Variants in PHTF2 observed in about 807,000 individuals in gnomAD.
PHTF2 encodes putative homeodomain transcription factor 2.
In PHTF2, 60 loss-of-function variants were observed where a neutral mutation model predicts 101.2. The ratio of observed to expected loss-of-function variants is 0.59; its 90% CI spans 0.48 to 0.73. The LOEUF (loss-of-function observed/expected upper bound fraction) is 0.73. PHTF2 is among the 30% of genes least tolerant of loss of function. The pLI is 0.00. For missense variants in PHTF2, 747 were observed against 908.7 expected (o/e 0.82, Z 2.29); for synonymous variants, 311 against 307.3 (o/e 1.01, Z -0.13).
chr7:77,897,198 CTG>C (rs747659832), intron 5 of PHTF2, among the ~76,000 whole-genome samples: 1 of 151,406 alleles, frequency 6.6e-6, no homozygotes, highest in African/African-American at 2.4e-5. Context: ...GAAAATGAAA[CTG>C]TTTATGTACT....
exon 1 of PHTF2, chr7:77,798,950 C>G (rs920771867): frequency 6.5e-6 from 1 of 152,704 alleles, no homozygotes; most frequent in African/African-American, 2.4e-5. Flanking sequence ...CGCCTCCTAG[C>G]GGCGCGGCGC....
intron 1 of PHTF2, among the ~76,000 whole-genome samples, chr7:77,813,748 T>G (rs1793627850): frequency 6.6e-6 from 1 of 152,192 alleles, no homozygotes; most frequent in African/African-American, 2.4e-5. Context: ...GATGTGGAGT[T>G]GAATAGACTA....
intron 7 of PHTF2, chr7:77,906,586 GAA>G (rs1436082449): frequency 3.9e-5 from 6 of 152,264 alleles, no homozygotes; most frequent in African/African-American, 1.4e-4. Flanking sequence ...TCACAGGGCT[GAA>G]AGAGTTCAGA....
At chr7:77,830,195 A>G (rs1260411234) in intron 1 of PHTF2, among the ~76,000 whole-genome samples, 2 of 152,234 alleles carry the variant, frequency 1.3e-5, no homozygotes, top group Admixed American at 6.5e-5. Flanking sequence ...AAAACAATAT[A>G]GTAAGTACAC....
intron 2 of PHTF2, among the ~76,000 whole-genome samples, chr7:77,840,894 A>C (rs962794161): frequency 2.0e-5 from 3 of 151,944 alleles, no homozygotes; most frequent in African/African-American, 7.2e-5. Flanking sequence ...GCTCCTAATG[A>C]GTGTTGTTTA....
chr7:77,888,017 G>A (rs1181221018), intron 3 of PHTF2, among the ~76,000 whole-genome samples: 1 of 152,152 alleles, frequency 6.6e-6, no homozygotes, highest in African/African-American at 2.4e-5. Flanking sequence ...AATATGGTTG[G>A]ATATCTATAC....
chr7:77,833,440 A>G (rs1275239390), intron 1 of PHTF2, among the ~76,000 whole-genome samples: 2 of 152,128 alleles, frequency 1.3e-5, no homozygotes, highest in African/African-American at 4.8e-5. Flanking sequence ...GTCTGAGGAG[A>G]TTTATAAAAA....
At chr7:77,916,035 C>G (rs745871669) in intron 9 of PHTF2, among the ~76,000 whole-genome samples, 1 of 150,972 alleles carries the variant, frequency 6.6e-6, no homozygotes, top group African/African-American at 2.4e-5. Context: ...TAATTTCTTC[C>G]TATACGGTAA....
rs866736233 is a variant in PHTF2, at chr7:77,909,045, A to G, written c.611+87A>G. ...TTGACTCCTCTTACCTTCATAGACT[A>G]AAATCTTATCTTGTAAGGTTGCTGT... On this transcript the variant is annotated intron_variant, in intron 8 of 19. Coordinates refer to ENST00000416283, the Ensembl canonical transcript of PHTF2. 30 of 762,614 alleles carry G rather than the reference A, an allele frequency of 3.9e-5. 1 individual carries two copies. Among genetic ancestry groups the G allele is most frequent in the Middle Eastern group, 5.4e-4 (2 of 3,670 alleles). The allele number at this position is 762,614 out of a possible 1,614,324, so 47.2% of individuals were successfully genotyped here.
At chr7:77,932,613 A>T (rs1383325024) in intron 12 of PHTF2, among the ~76,000 whole-genome samples, 29 of 111,750 alleles carry the variant, frequency 2.6e-4, no homozygotes, top group East Asian at 5.6e-4. Flanking sequence ...AGAGAGAGAG[A>T]GAGAGAGAGT....
At chr7:77,928,535 A>G (rs564210992) in intron 11 of PHTF2, among the ~76,000 whole-genome samples, 11 of 152,250 alleles carry the variant, frequency 7.2e-5, no homozygotes, top group East Asian at 5.8e-4. Context: ...CTGGGTATCC[A>G]CGTGAGATTG....
chr7:77,829,632 T>G (rs191555716), intron 1 of PHTF2, among the ~76,000 whole-genome samples: 1 of 152,348 alleles, frequency 6.6e-6, no homozygotes, highest in African/African-American at 2.4e-5. Flanking sequence ...TGTATCATTA[T>G]GAAAGATGTG....
intron 3 of PHTF2, among the ~76,000 whole-genome samples, chr7:77,870,177 T>C (rs1798397720): frequency 6.6e-6 from 1 of 152,048 alleles, no homozygotes; most frequent in Non-Finnish European, 1.5e-5. Flanking sequence ...TGTCCTGAAG[T>C]GTTTCTCCAA....
intron 9 of PHTF2, among the ~76,000 whole-genome samples, chr7:77,916,013 T>C (rs1432130244): frequency 1.6e-5 from 2 of 124,844 alleles, no homozygotes; most frequent in African/African-American, 5.3e-5. Context: ...GTGTGTGTAA[T>C]ACTAAAAAGT....
exon 17 of PHTF2, chr7:77,949,811 C>A: frequency 6.6e-7 from 1 of 1,509,332 alleles, no homozygotes; most frequent in Non-Finnish European, 9.1e-7. Context: ...TATAGTAATA[C>A]CTCAATATTA....
chr7:77,947,816 T>C (rs1584793274), intron 16 of PHTF2, among the ~76,000 whole-genome samples: 2 of 126,916 alleles, frequency 1.6e-5, no homozygotes, highest in African/African-American at 6.3e-5. Context: ...GAAGATTTAT[T>C]TTCTTTTTTC....
At chr7:77,827,817 A>G (rs955325748) in intron 1 of PHTF2, among the ~76,000 whole-genome samples, 12 of 150,790 alleles carry the variant, frequency 8.0e-5, no homozygotes, top group African/African-American at 2.9e-4. Flanking sequence ...TTTTTGTATT[A>G]GTTTTTAGTA....
chr7:77,939,952 A>G (rs1014837789), intron 13 of PHTF2, 78 bp from the exon 13 acceptor site: 29 of 1,049,272 alleles, frequency 2.8e-5, no homozygotes, highest in African/African-American at 6.5e-5. Context: ...TCATATTGCT[A>G]TAAATAATTC....
intron 1 of PHTF2, among the ~76,000 whole-genome samples, chr7:77,821,432 C>A (rs141598720): frequency 3.9e-4 from 60 of 152,126 alleles, no homozygotes; most frequent in African/African-American, 1.3e-3. Context: ...GTTTCCTTAC[C>A]TTTTCCCTTC....
Sources: gnomAD v4.1 joint callset for allele counts (sites outside exome capture counted in the v4.1 genomes callset) on GRCh38, gnomAD v4.1.1 for gene constraint, MANE v1.5 for transcripts, NCBI Gene and HGNC (gene_info 2026-07-23, HGNC 2026-07-21) for gene names.